Variants in HIVEP3 observed in about 807,000 individuals in gnomAD.
HIVEP3 encodes the protein transcription factor HIVEP3.
A neutral mutation model predicts 152.8 loss-of-function variants in HIVEP3; 49 were observed. The ratio of observed to expected loss-of-function variants is 0.32; its 90% CI spans 0.26 to 0.41. The LOEUF is 0.41. Among genes scored for constraint, HIVEP3 ranks in the 10% least tolerant of loss-of-function variants. HIVEP3 has a pLI of 1.00. For missense variants in HIVEP3, 2,790 were observed against 3,103.3 expected (o/e 0.90, Z 2.40); for synonymous variants, 1,269 against 1,289.0 (o/e 0.98, Z 0.33).
Position 41,560,921 on chromosome 1 carries a change from C to T in HIVEP3, c.5207+14623G>A, listed in dbSNP as rs147009396. On this transcript the variant is annotated intron_variant, in intron 5 of 8. Coordinates refer to ENST00000372583, the MANE Select transcript of HIVEP3 (RefSeq NM_024503.5). ...CACCTCAAACCAGGGTACACGGCCACGGTCCTGCCCAATAAGAAGCATCCT... is the reference window on the plus strand; with the variant it reads ...CACCTCAAACCAGGGTACACGGCCATGGTCCTGCCCAATAAGAAGCATCCT... 2.2e-3 allele frequency among the ~76,000 whole-genome samples: 335 copies of T among 152,314 alleles called. 1 individual carries two copies. Among genetic ancestry groups the T allele is most frequent in the South Asian group, 5.4e-3 (26 of 4,826 alleles).
At position 41,584,842 on chromosome 1, in the gene HIVEP3, G is replaced by T. The variant is rs142011649; in HGVS notation, c.-45C>A. The T allele has an allele frequency of 9.7e-6, 14 of 1,437,642 alleles. No individual in the cohort carries two copies. The highest frequency in any genetic ancestry group is 2.0e-4 in the Middle Eastern group (1 of 4,990). 89.1% of individuals were successfully genotyped at this position (1,437,642 alleles called of 1,614,324 possible). On this transcript the variant is annotated 5_prime_UTR_variant, in exon 4 of 9. Coordinates refer to ENST00000372583, the MANE Select transcript of HIVEP3 (RefSeq NM_024503.5). The surrounding 1 kb of genome is among the most constrained non-coding windows in gnomAD (Gnocchi z 5.2). ...GATGCTATTCAGGGAGAGTCAGGGC[G>T]GGCTGCATTTATGAATAATCCCAGT... is the stretch of plus-strand genomic sequence containing the variant.
chr1:41,754,243 G>C (rs1647221343), intron 1 of HIVEP3, among the ~76,000 whole-genome samples: 1 of 152,136 alleles, frequency 6.6e-6, no homozygotes, highest in Non-Finnish European at 1.5e-5. Flanking sequence ...TTCACTCTGG[G>C]TGAGAAGGGA....
chr1:41,585,075 G>A lies in HIVEP3; in HGVS notation c.-278C>T, dbSNP rs764991425. 21 of 401,700 alleles carry A rather than the reference G, an allele frequency of 5.2e-5. No homozygotes were observed. Among genetic ancestry groups the A allele is most frequent in the South Asian group, 2.7e-4 (2 of 7,346 alleles). 24.9% of individuals were successfully genotyped at this position (401,700 alleles called of 1,614,324 possible). ...AGCACTTTCTGCCTGAATGTCTGTC[G>A]GGAAAACGTCATGAAGGATGTCAGT... On this transcript the variant is annotated 5_prime_UTR_variant, in exon 4 of 9. The change creates a premature stop within an existing upstream ORF in the 5' untranslated region. Transcript: ENST00000372583.
intron 2 of HIVEP3, among the ~76,000 whole-genome samples, chr1:41,634,355 T>G (rs186415869): frequency 5.9e-5 from 9 of 152,194 alleles, no homozygotes; most frequent in Admixed American, 5.9e-4. Flanking sequence ...AAACTAACCA[T>G]TTCTAGAAGA....
chr1:41,948,658 C>T (rs915156258), intron 1 of HIVEP3, among the ~76,000 whole-genome samples: 4 of 152,144 alleles, frequency 2.6e-5, no homozygotes, highest in African/African-American at 9.7e-5. Flanking sequence ...AATGGAGAAC[C>T]TCACGAGGAC....
At chr1:41,575,215 G>T (rs920467544) in intron 5 of HIVEP3, among the ~76,000 whole-genome samples, 39 of 152,310 alleles carry the variant, frequency 2.6e-4, no homozygotes, top group Middle Eastern at 3.4e-3. Context: ...CTGGACATTT[G>T]CTGGGATACT....
At chr1:41,795,760 T>C (rs2124304901) in intron 1 of HIVEP3, among the ~76,000 whole-genome samples, 1 of 152,366 alleles carries the variant, frequency 6.6e-6, no homozygotes, top group South Asian at 2.1e-4. Context: ...TGTTGAGAGC[T>C]CTTTCTGGTT....
At chr1:41,876,869 T>A (rs1342613255) in intron 1 of HIVEP3, among the ~76,000 whole-genome samples, 1 of 152,200 alleles carries the variant, frequency 6.6e-6, no homozygotes, top group African/African-American at 2.4e-5. Flanking sequence ...TGAGTATCAT[T>A]ACAGAAATTA....
At chr1:41,919,706 GAC>G (rs1158279634), upstream of HIVEP3, among the ~76,000 whole-genome samples, 1 of 152,104 alleles carries the variant, frequency 6.6e-6, no homozygotes, top group Non-Finnish European at 1.5e-5. Context: ...TAGGGGGAGA[GAC>G]AACCTCCAGC....
At chr1:41,820,380 A>G (rs1346056985) in intron 1 of HIVEP3, among the ~76,000 whole-genome samples, 2 of 152,164 alleles carry the variant, frequency 1.3e-5, no homozygotes, top group Non-Finnish European at 2.9e-5. Flanking sequence ...AGATAGTCCT[A>G]GTTAACACAT....
chr1:41,587,573 G>A (rs1644523472), intron 3 of HIVEP3, among the ~76,000 whole-genome samples: 1 of 152,210 alleles, frequency 6.6e-6, no homozygotes, highest in Non-Finnish European at 1.5e-5. Context: ...CCAAAACTAG[G>A]CATAAGTGCC....
chr1:41,868,122 A>C (rs1644012907), intron 1 of HIVEP3, among the ~76,000 whole-genome samples: 1 of 151,640 alleles, frequency 6.6e-6, no homozygotes, highest in Admixed American at 6.6e-5. Flanking sequence ...AACTCCAGCC[A>C]CACTGGCCTC....
intron 2 of HIVEP3, among the ~76,000 whole-genome samples, chr1:41,669,176 G>C (rs922595913): frequency 1.3e-5 from 2 of 152,142 alleles, no homozygotes; most frequent in Admixed American, 6.5e-5. Context: ...ATCCCAGCAA[G>C]GGTCCTGGGC....
chr1:41,524,804 G>A lies in HIVEP3; in HGVS notation c.5314C>T (p.His1772Tyr), dbSNP rs758845500. ...RCKKPSMLKK[H>Y]IRTHTDVRPY... ...CGGACGTCAGTGTGGGTGCGGATGT[G>A]TTTCTTCAGCATGCTGGGCTTCTTG... Residue 1772 changes from histidine (H) to tyrosine (Y), a missense_variant, in exon 6 of 9, where the codon CAC becomes TAC. By Grantham distance (83) the His-to-Tyr change is moderately conservative. Around this residue, in one of 9 missense-constraint regions of HIVEP3, gnomAD observed 57 missense variants for 95.1 expected, o/e 0.60. Transcript: ENST00000372583. 1.9e-6 allele frequency: 3 copies of A among 1,614,158 alleles called. No homozygotes were observed. Among genetic ancestry groups the A allele is most frequent in the Non-Finnish European group, 2.5e-6 (3 of 1,180,000 alleles).
At chr1:41,844,859 C>A (rs1391418404) in intron 1 of HIVEP3, among the ~76,000 whole-genome samples, 1 of 152,208 alleles carries the variant, frequency 6.6e-6, no homozygotes, top group East Asian at 1.9e-4. Context: ...CAGCACTATA[C>A]CTAGAACACA....
chr1:41,774,271 T>G (rs1233517819), intron 1 of HIVEP3, among the ~76,000 whole-genome samples: 2 of 152,236 alleles, frequency 1.3e-5, no homozygotes, highest in Non-Finnish European at 2.9e-5. Flanking sequence ...GCCACCATCC[T>G]CACATCATGT....
At chr1:41,961,382 T>G (rs1645168703) in intron 1 of HIVEP3, among the ~76,000 whole-genome samples, 1 of 152,248 alleles carries the variant, frequency 6.6e-6, no homozygotes, top group Non-Finnish European at 1.5e-5. Context: ...CCAGGGAATT[T>G]TTGCCATAGC....
At chr1:41,794,669 T>C (rs536571916) in intron 1 of HIVEP3, among the ~76,000 whole-genome samples, 1 of 152,242 alleles carries the variant, frequency 6.6e-6, no homozygotes, top group East Asian at 1.9e-4. Context: ...AAAATGGTTA[T>C]CTCATTATTG....
intron 1 of HIVEP3, among the ~76,000 whole-genome samples, chr1:41,888,722 CAT>C (rs1401488741): frequency 3.2e-5 from 4 of 125,758 alleles, no homozygotes; most frequent in Admixed American, 8.5e-5. Flanking sequence ...CCCCCACACA[CAT>C]ACCACACACA....
Sources: allele counts gnomAD v4.1 joint callset (sites outside exome capture counted in the v4.1 genomes callset), GRCh38; gene constraint gnomAD v4.1.1; regional missense constraint gnomAD v4.1.1; non-coding constraint Gnocchi (gnomAD v3.1); transcripts MANE v1.5; gene names NCBI Gene and HGNC (gene_info 2026-07-23, HGNC 2026-07-21).